Variants in RAPH1 observed in about 807,000 individuals in gnomAD.
RAPH1 encodes the protein ras-associated and pleckstrin homology domains-containing protein 1.
Under a neutral mutation model 88.1 loss-of-function variants are expected in RAPH1, and 18 were observed. The observed-to-expected ratio is 0.20, with a 90% CI of 0.14 to 0.30. The LOEUF (loss-of-function observed/expected upper bound fraction) is 0.30, where lower values mean the gene tolerates loss of function less well. Ranked by LOEUF, RAPH1 falls within the 10% of genes least tolerant of loss-of-function variation. The probability of loss-of-function intolerance (pLI) is 1.00; values close to 1 mark genes in which losing one functional copy is unlikely to be tolerated. For missense variants in RAPH1, 1,448 were observed against 1,543.2 expected, an observed-to-expected ratio of 0.94 and a Z score of 1.03; for synonymous variants, 587 against 559.0, an observed-to-expected ratio of 1.05 and a Z score of -0.71.
chr2:203,455,663 A>G, intron 8 of RAPH1, 83 bp from the exon 9 acceptor site: 1 of 1,324,404 alleles, frequency 7.6e-7, no homozygotes, highest in South Asian at 1.4e-5. Flanking sequence ...GAAATGCATG[A>G]CAGTTATTAA....
chr2:203,461,017 G>A (rs1359313843), intron 6 of RAPH1, among the ~76,000 whole-genome samples: 2 of 152,084 alleles, frequency 1.3e-5, no homozygotes, highest in Non-Finnish European at 2.9e-5. Flanking sequence ...TCAGGAGGCT[G>A]AGGCAGGATA....
chr2:203,469,434 T>C (rs1182106145), intron 4 of RAPH1, among the ~76,000 whole-genome samples: 1 of 152,252 alleles, frequency 6.6e-6, no homozygotes, highest in Non-Finnish European at 1.5e-5. Flanking sequence ...GTCTACCATC[T>C]TCTTTCATAA....
chr2:203,453,927 C>T (rs1249058514), intron 10 of RAPH1, among the ~76,000 whole-genome samples: 1 of 152,024 alleles, frequency 6.6e-6, no homozygotes, highest in Admixed American at 6.6e-5. Context: ...AAAAAAACCT[C>T]CCTAAAAACA....
chr2:203,472,332 A>G (rs1443187888), intron 4 of RAPH1, among the ~76,000 whole-genome samples: 1 of 152,094 alleles, frequency 6.6e-6, no homozygotes, highest in Non-Finnish European at 1.5e-5. Flanking sequence ...GAGTTTCGCC[A>G]TGTTAGCCAG....
intron 1 of RAPH1, among the ~76,000 whole-genome samples, chr2:203,510,239 C>G (rs114269949): frequency 6.9e-6 from 1 of 143,986 alleles, no homozygotes; most frequent in Admixed American, 7.5e-5. Flanking sequence ...AGGAGGCTAA[C>G]GTAGGAAAAT....
At chr2:203,441,438 G>C in intron 13 of RAPH1, 25 bp from the exon 14 acceptor site, 1 of 1,506,130 alleles carries the variant, frequency 6.6e-7, no homozygotes, top group Non-Finnish European at 8.8e-7. Flanking sequence ...AAAAGGGAGT[G>C]GGAGAGAGAA....
chr2:203,457,179 A>AT (rs935934381), intron 8 of RAPH1, among the ~76,000 whole-genome samples: 1 of 151,074 alleles, frequency 6.6e-6, no homozygotes, highest in Non-Finnish European at 1.5e-5. Context: ...ATTTTATTTT[A>AT]TTTATTTATT....
intron 7 of RAPH1, among the ~76,000 whole-genome samples, chr2:203,458,368 A>C (rs990437809): frequency 6.6e-6 from 1 of 152,078 alleles, no homozygotes; most frequent in Non-Finnish European, 1.5e-5. Context: ...CTCAAAAAAA[A>C]ACAAAAAACA....
At chr2:203,505,454 C>T (rs192426987) in intron 1 of RAPH1, among the ~76,000 whole-genome samples, 3 of 151,748 alleles carry the variant, frequency 2.0e-5, no homozygotes, top group East Asian at 2.0e-4. Context: ...CCCCCCGGGT[C>T]CCTCCCACAA....
rs2098496344 is a variant in RAPH1 at position 203,434,176 on chromosome 2, T to C, written c.*5261A>G. 6.6e-6 allele frequency: 1 copy of C among 152,462 alleles called. No homozygotes were observed. The highest frequency in any genetic ancestry group is 2.4e-5 in the African/African-American group (1 of 41,396). 9.4% of individuals were successfully genotyped at this position (152,462 alleles called of 1,614,324 possible). A position where few individuals can be genotyped will look rare whatever the true frequency, so the allele number is the denominator to read the frequency against. On this transcript the variant is annotated 3_prime_UTR_variant, in exon 14 of 14. Coordinates refer to ENST00000319170, the MANE Select transcript of RAPH1 (RefSeq NM_213589.3). ...ACAAAGCTGCGAGAAAAATTGTAAC[T>C]TCATCTTCACTGAGCTGTGCATAAT...
intron 4 of RAPH1, among the ~76,000 whole-genome samples, chr2:203,487,080 C>G (rs1298715303): frequency 6.6e-6 from 1 of 152,134 alleles, no homozygotes; most frequent in Non-Finnish European, 1.5e-5. Context: ...CAATTTGCCC[C>G]TATACTGTAT....
At chr2:203,468,674 T>C (rs1006763907) in intron 4 of RAPH1, among the ~76,000 whole-genome samples, 1 of 152,222 alleles carries the variant, frequency 6.6e-6, no homozygotes, top group Non-Finnish European at 1.5e-5. Context: ...TGCAATGTTC[T>C]ATCCCAGCAC....
At chr2:203,488,612 A>C (rs1036043690) in intron 4 of RAPH1, among the ~76,000 whole-genome samples, 75 of 145,886 alleles carry the variant, frequency 5.1e-4, no homozygotes, top group African/African-American at 1.8e-3. Flanking sequence ...AAAAAAAAAA[A>C]AAAAAACCTG....
In RAPH1 at chr2:203,457,583, C is replaced by A. The variant is rs1473241644; in HGVS notation, c.1105G>T (p.Gly369Trp). 1 of 1,610,562 alleles carries A rather than the reference C, an allele frequency of 6.2e-7. No individual in the cohort carries two copies. The highest frequency in any genetic ancestry group is 1.1e-5 in the South Asian group (1 of 90,998). The change falls in exon 8 of 14, where the codon GGG becomes TGG. Residue 369 changes from glycine (G) to tryptophan (W), a missense_variant. Gly to Trp is a radical substitution (Grantham distance 184, BLOSUM62 -2). Coordinates refer to ENST00000319170, the MANE Select transcript of RAPH1 (RefSeq NM_213589.3). ...GCCATCTCAGCTGTTTCTTTTTTCC[C>A]CAAAAGATAATTCTGGAAAAACAAA... ...LFKNPQNYLL[G>W]KKETAEMADR...
chr2:203,451,304 A>G (rs1190351844), intron 10 of RAPH1, among the ~76,000 whole-genome samples: 1 of 152,176 alleles, frequency 6.6e-6, no homozygotes, highest in Admixed American at 6.6e-5. Context: ...TCTGAGTTAC[A>G]TATTATTATC....
Position 203,439,337 on chromosome 2 carries a change from C to T in RAPH1, c.*100G>A, listed in dbSNP as rs757573574. 47 of 1,103,414 alleles carry T rather than the reference C, an allele frequency of 4.3e-5. No individual in the cohort carries two copies. The highest frequency in any genetic ancestry group is 6.0e-5 in the Non-Finnish European group (45 of 750,230). The allele number at this position is 1,103,414 out of a possible 1,614,324, so 68.4% of individuals were successfully genotyped here. Reference sequence around the variant, plus strand: ...ATATAGCTGGACACTACCTGAATAACATCATACCAGGAGGCTCTGAACACC... The same window carrying T: ...ATATAGCTGGACACTACCTGAATAATATCATACCAGGAGGCTCTGAACACC... On this transcript the variant is annotated 3_prime_UTR_variant, in exon 14 of 14. Coordinates refer to ENST00000319170, the MANE Select transcript of RAPH1 (RefSeq NM_213589.3).
intron 8 of RAPH1, 146 bp downstream of exon 8, chr2:203,457,384 C>T: frequency 1.4e-6 from 1 of 712,626 alleles, no homozygotes; most frequent in East Asian, 2.5e-5. Flanking sequence ...CAGGGTTTCA[C>T]CATCTTGGGC....
intron 13 of RAPH1, chr2:203,442,121 A>G (rs1317775749): frequency 6.4e-7 from 1 of 1,553,310 alleles, no homozygotes; most frequent in Non-Finnish European, 8.7e-7. Flanking sequence ...ACATTATAGC[A>G]AAAGACTGTA....
chr2:203,455,697 C>G, intron 8 of RAPH1, 117 bp from the exon 9 acceptor site: 1 of 942,310 alleles, frequency 1.1e-6, no homozygotes, highest in Non-Finnish European at 1.6e-6. Context: ...TATATTAAAA[C>G]CAAGCTGCTA....
Sources: allele counts gnomAD v4.1 joint callset (sites outside exome capture counted in the v4.1 genomes callset), GRCh38; gene constraint gnomAD v4.1.1; transcripts MANE v1.5; gene names NCBI Gene and HGNC (gene_info 2026-07-23, HGNC 2026-07-21).